The following OSBPL8 variants were observed in gnomAD, a reference collection of about 807,000 sequenced individuals.
OSBPL8 encodes oxysterol-binding protein-related protein 8.
Under a neutral mutation model 125.5 loss-of-function variants are expected in OSBPL8, and 59 were observed. The observed-to-expected ratio is 0.47, with a 90% CI of 0.38 to 0.58. OSBPL8 has a LOEUF of 0.58. OSBPL8 is among the 20% of genes least tolerant of loss of function. The pLI is 0.00. For missense variants in OSBPL8, 758 were observed against 1,047.8 expected (o/e 0.72, Z 3.82); for synonymous variants, 330 against 338.9 (o/e 0.97, Z 0.29).
chr12:76,541,192 G>C (rs973022280), intron 1 of OSBPL8, among the ~76,000 whole-genome samples: 1 of 152,136 alleles, frequency 6.6e-6, no homozygotes, highest in African/African-American at 2.4e-5. Context: ...AAATTATTTA[G>C]ATGTGGTCAG....
intron 4 of OSBPL8, among the ~76,000 whole-genome samples, chr12:76,448,453 CA>C (rs1051407186): frequency 2.7e-5 from 4 of 148,808 alleles, no homozygotes; most frequent in Non-Finnish European, 4.5e-5. Flanking sequence ...ATGCACAGTG[CA>C]AAAAAAAACC....
chr12:76,448,931 T>C (rs938856492), intron 4 of OSBPL8, among the ~76,000 whole-genome samples: 1 of 152,172 alleles, frequency 6.6e-6, no homozygotes, highest in Non-Finnish European at 1.5e-5. Flanking sequence ...GAGAATCGCT[T>C]GAACCCGGGA....
At chr12:76,412,011 T>A (rs1185054439) in intron 4 of OSBPL8, among the ~76,000 whole-genome samples, 1 of 152,160 alleles carries the variant, frequency 6.6e-6, no homozygotes, top group Non-Finnish European at 1.5e-5. Context: ...GGAATTCTAA[T>A]CCTAGATATA....
intron 4 of OSBPL8, among the ~76,000 whole-genome samples, chr12:76,449,400 C>T (rs559829281): frequency 6.6e-6 from 1 of 152,264 alleles, no homozygotes; most frequent in African/African-American, 2.4e-5. Flanking sequence ...TACCCAAAGA[C>T]CCTTCTAGAG....
At chr12:76,537,184 G>A (rs1950522488) in intron 1 of OSBPL8, 1 of 152,106 alleles carries the variant, frequency 6.6e-6, no homozygotes, top group Non-Finnish European at 1.5e-5. Flanking sequence ...TAAATGACTG[G>A]TATTTGGAAA....
chr12:76,394,501 T>C (rs1953710813), intron 9 of OSBPL8, 144 bp downstream of exon 9: 1 of 621,564 alleles, frequency 1.6e-6, no homozygotes, highest in South Asian at 1.8e-5. Flanking sequence ...CTCATATATT[T>C]AGCATTCAAA....
intron 1 of OSBPL8, among the ~76,000 whole-genome samples, chr12:76,532,983 A>G (rs932156276): frequency 1.3e-5 from 2 of 152,176 alleles, no homozygotes; most frequent in African/African-American, 4.8e-5. Flanking sequence ...CCTTTCTATT[A>G]CTTGAACCGA....
At chr12:76,449,599 C>T (rs1873132312) in intron 4 of OSBPL8, among the ~76,000 whole-genome samples, 1 of 152,188 alleles carries the variant, frequency 6.6e-6, no homozygotes, top group Non-Finnish European at 1.5e-5. Flanking sequence ...GTTTCACTTA[C>T]AGATGTCCTT....
At chr12:76,482,385 G>A (rs12826605) in intron 2 of OSBPL8, among the ~76,000 whole-genome samples, 31,041 of 152,128 alleles carry the variant, frequency 0.2, 3,410 homozygotes, top group Non-Finnish European at 0.26. Context: ...AGGCTAAGGC[G>A]GGCGGATCAC....
chr12:76,411,569 T>G (rs1954514857), intron 4 of OSBPL8, among the ~76,000 whole-genome samples: 1 of 152,060 alleles, frequency 6.6e-6, no homozygotes, highest in Non-Finnish European at 1.5e-5. Context: ...GCATTTGGTT[T>G]ATTAATGTAA....
At chr12:76,497,839 A>AT (rs1285258461) in intron 1 of OSBPL8, among the ~76,000 whole-genome samples, 1 of 152,200 alleles carries the variant, frequency 6.6e-6, no homozygotes, top group Non-Finnish European at 1.5e-5. Context: ...ACTTCTCTCC[A>AT]TAACTTGTAC....
rs182611033 is a variant in OSBPL8 at position 76,385,736 on chromosome 12, T to C, written c.1533+432A>G. Among the ~76,000 whole-genome samples the C allele has an allele frequency of 1.3e-3, 203 of 152,184 alleles. 1 individual carries two copies. Among genetic ancestry groups the C allele is most frequent in the Admixed American group, 2.4e-3 (36 of 15,284 alleles). ...AGTGCTAGATCAGGTTACCTAGTCA[T>C]GAACTGCACAGGTTTGACTACTGTG... On this transcript the variant is annotated intron_variant, in intron 14 of 23. Transcript: ENST00000261183.
At chr12:76,466,421 T>C (rs950841377) in intron 2 of OSBPL8, among the ~76,000 whole-genome samples, 2 of 152,184 alleles carry the variant, frequency 1.3e-5, no homozygotes, top group South Asian at 2.1e-4. Flanking sequence ...AATGTTAACA[T>C]GTCCCACACA....
intron 9 of OSBPL8, among the ~76,000 whole-genome samples, chr12:76,393,861 A>G (rs2136310508): frequency 6.6e-6 from 1 of 151,578 alleles, no homozygotes; most frequent in South Asian, 2.1e-4. Flanking sequence ...CTCTACTAAA[A>G]ATACAAAAAT....
chr12:76,415,660 T>C (rs1387740397), intron 4 of OSBPL8, among the ~76,000 whole-genome samples: 1 of 152,242 alleles, frequency 6.6e-6, no homozygotes, highest in Non-Finnish European at 1.5e-5. Context: ...ATTTGAACTT[T>C]TGAGTACATC....
intron 1 of OSBPL8, among the ~76,000 whole-genome samples, chr12:76,519,768 TA>T (rs1220466614): frequency 2.6e-5 from 4 of 152,098 alleles, no homozygotes; most frequent in African/African-American, 9.7e-5. Flanking sequence ...GGGAACGGGT[TA>T]GGGGGAATGT....
intron 9 of OSBPL8, among the ~76,000 whole-genome samples, chr12:76,393,172 T>C (rs1027679515): frequency 6.6e-6 from 1 of 152,334 alleles, no homozygotes; most frequent in African/African-American, 2.4e-5. Flanking sequence ...ATTCTACTTG[T>C]ATGTATGAAA....
chr12:76,476,209 C>G (rs1876789434), intron 2 of OSBPL8, among the ~76,000 whole-genome samples: 1 of 152,162 alleles, frequency 6.6e-6, no homozygotes, highest in African/African-American at 2.4e-5. Context: ...AGTCCCTGGG[C>G]TCTTACCTTT....
rs1173405619 is a variant in OSBPL8 at position 76,352,079 on chromosome 12, G to A, written c.*3810C>T. 2 of 152,274 alleles carry A rather than the reference G, an allele frequency of 1.3e-5. No homozygotes were observed. The highest frequency in any genetic ancestry group is 6.6e-5 in the Admixed American group (1 of 15,256). The allele number at this position is 152,274 out of a possible 1,614,324, so 9.4% of individuals were successfully genotyped here. A position where few individuals can be genotyped will look rare whatever the true frequency, so the allele number is the denominator to read the frequency against. On this transcript the variant is annotated 3_prime_UTR_variant, in exon 24 of 24. Coordinates refer to ENST00000261183, the MANE Select transcript of OSBPL8 (RefSeq NM_020841.5). ...AGTGGTAGTGCTTGAATTTATGAAT[G>A]GCCATTAAACAGAACATTTAAACTC...
Sources: allele counts gnomAD v4.1 joint callset (sites outside exome capture counted in the v4.1 genomes callset), GRCh38; gene constraint gnomAD v4.1.1; transcripts MANE v1.5; gene names NCBI Gene and HGNC (gene_info 2026-07-23, HGNC 2026-07-21).